Variants in PTPN3 observed in about 807,000 individuals in gnomAD.
PTPN3 encodes protein tyrosine phosphatase non-receptor type 3, also known as tyrosine-protein phosphatase non-receptor type 3.
PTPN3 carries 96 observed loss-of-function variants against 132.7 expected under a neutral mutation model. That is an observed-to-expected ratio of 0.72 (90% confidence interval 0.61 to 0.86). The LOEUF (loss-of-function observed/expected upper bound fraction) is 0.86, where lower values mean the gene tolerates loss of function less well. Among genes scored for constraint, PTPN3 ranks in the 40% least tolerant of loss-of-function variants. The probability of loss-of-function intolerance (pLI) is 0.00; values close to 1 mark genes in which losing one functional copy is unlikely to be tolerated. For missense variants in PTPN3, 1,125 were observed against 1,159.6 expected (o/e 0.97, Z 0.43); for synonymous variants, 398 against 429.0 (o/e 0.93, Z 0.89).
At chr9:109,477,059 A>C (rs552856912) in intron 1 of PTPN3, among the ~76,000 whole-genome samples, 51 of 152,296 alleles carry the variant, frequency 3.3e-4, no homozygotes, top group African/African-American at 1.2e-3. Context: ...TCACACAGGC[A>C]GACTTCAAAC....
chr9:109,496,590 G>A (rs55925230), intron 1 of PTPN3, among the ~76,000 whole-genome samples: 4,522 of 152,326 alleles, frequency 0.03, 100 homozygotes, highest in Middle Eastern at 0.048. Flanking sequence ...ACAGGTGAAT[G>A]TACTCTGTAA....
chr9:109,535,518 C>CT, the PTPN3 span, among the ~76,000 whole-genome samples: 2 of 147,366 alleles, frequency 1.4e-5, no homozygotes, highest in Non-Finnish European at 3.0e-5. Context: ...TTTTTTTTTT[C>CT]TTTTTTTGAG....
chr9:109,531,107 TG>T, the PTPN3 span, among the ~76,000 whole-genome samples: 1 of 152,226 alleles, frequency 6.6e-6, no homozygotes, highest in Non-Finnish European at 1.5e-5. Flanking sequence ...TTTTGTTGCC[TG>T]TGCCTTTTAT....
rs376791693 is a variant in PTPN3, at chr9:109,401,416, C to T, written c.1953+3032G>A. ...CCCAGGTGATCTCCATACAAGTGGTCGGAGGGTCACCCTCTGAGAAACACA... is the reference window on the plus strand; with the variant it reads ...CCCAGGTGATCTCCATACAAGTGGTTGGAGGGTCACCCTCTGAGAAACACA... On this transcript the variant is annotated intron_variant, in intron 19 of 25. Transcript: ENST00000374541. 8.5e-5 allele frequency among the ~76,000 whole-genome samples: 13 copies of T among 152,310 alleles called. No homozygotes were observed. In the South Asian group the frequency reaches 1.9e-3, roughly 22 times the overall value.
intron 19 of PTPN3, among the ~76,000 whole-genome samples, chr9:109,402,918 T>A (rs1200838034): frequency 6.6e-6 from 1 of 151,796 alleles, no homozygotes; most frequent in Admixed American, 6.6e-5. Context: ...AAAAGAATAA[T>A]AAAAAACAAA....
At chr9:109,398,315 C>G (rs1376186188) in intron 19 of PTPN3, among the ~76,000 whole-genome samples, 1 of 152,300 alleles carries the variant, frequency 6.6e-6, no homozygotes, top group East Asian at 1.9e-4. Flanking sequence ...TACAATTGCT[C>G]TCATTAATTT....
At chr9:109,408,400 A>G in intron 16 of PTPN3, 23 bp from the exon 17 acceptor site, 1 of 1,560,066 alleles carries the variant, frequency 6.4e-7, no homozygotes, top group Non-Finnish European at 8.7e-7. Flanking sequence ...TAAAATAAAA[A>G]CAAAACAAAG....
In PTPN3 at chr9:109,459,229, C is replaced by T. The variant is rs1191979027; in HGVS notation, c.139-1830G>A. Among the ~76,000 whole-genome samples the T allele has an allele frequency of 2.6e-5, 4 of 152,372 alleles. No homozygotes were observed. In the South Asian group the frequency reaches 6.2e-4, roughly 24 times the overall value. On this transcript the variant is annotated intron_variant, in intron 2 of 25. Coordinates refer to ENST00000374541, the MANE Select transcript of PTPN3 (RefSeq NM_002829.4). ...CCCTGCCCTCAAGAGGTCATCTTCACGGCACCAGGTCACCACCAGGGCTCG... is the reference window on the plus strand; with the variant it reads ...CCCTGCCCTCAAGAGGTCATCTTCATGGCACCAGGTCACCACCAGGGCTCG...
chr9:109,459,627 G>A (rs1040410108), intron 2 of PTPN3, among the ~76,000 whole-genome samples: 1 of 152,150 alleles, frequency 6.6e-6, no homozygotes, highest in Non-Finnish European at 1.5e-5. Context: ...TTAGCTCACT[G>A]TAACCTCAAA....
intron 16 of PTPN3, among the ~76,000 whole-genome samples, chr9:109,409,569 G>A (rs1275838724): frequency 6.6e-6 from 1 of 152,074 alleles, no homozygotes; most frequent in Non-Finnish European, 1.5e-5. Context: ...GTTCACGCCT[G>A]TAATCCCGGC....
At chr9:109,479,759 T>C (rs898334009) in intron 1 of PTPN3, among the ~76,000 whole-genome samples, 1 of 152,216 alleles carries the variant, frequency 6.6e-6, no homozygotes, top group Non-Finnish European at 1.5e-5. Flanking sequence ...TTTTGTACTT[T>C]TGGTAGACTG....
chr9:109,422,692 C>CAG, intron 13 of PTPN3, 26 bp downstream of exon 13: 2 of 1,441,864 alleles, frequency 1.4e-6, no homozygotes, highest in South Asian at 2.6e-5. Flanking sequence ...TTGGGTAGTA[C>CAG]AAAAAAAAAA....
rs150049600 is a variant in PTPN3, at chr9:109,426,819, C to G, written c.1001+131G>C. ...CCCCGGGAGACTTTTAGTTATGGTT[C>G]AGAGATCCAATGCCTGGAGCCCCTG... On this transcript the variant is annotated intron_variant, in intron 12 of 25. Coordinates refer to ENST00000374541, the MANE Select transcript of PTPN3 (RefSeq NM_002829.4). The G allele has an allele frequency of 1.1e-5, 11 of 1,008,034 alleles. No homozygotes were observed. In the African/African-American group the frequency reaches 1.3e-4, roughly 12 times the overall value. 62.4% of individuals were successfully genotyped at this position (1,008,034 alleles called of 1,614,324 possible).
intron 12 of PTPN3, among the ~76,000 whole-genome samples, chr9:109,423,748 T>C (rs762941849): frequency 3.9e-5 from 6 of 152,210 alleles, no homozygotes; most frequent in African/African-American, 7.2e-5. Context: ...TTTGAGAGAA[T>C]AGAGCATGAA....
chr9:109,517,868 C>T, the PTPN3 span, among the ~76,000 whole-genome samples: 23 of 152,266 alleles, frequency 1.5e-4, no homozygotes, highest in Non-Finnish European at 3.2e-4. Flanking sequence ...GAGACCCTAG[C>T]AGAAGCTGGG....
intron 19 of PTPN3, among the ~76,000 whole-genome samples, chr9:109,402,296 T>TA (rs1286075797): frequency 3.3e-5 from 5 of 151,968 alleles, no homozygotes; most frequent in Admixed American, 6.6e-5. Flanking sequence ...CTTTTTTTTT[T>TA]ATTTTTATTT....
chr9:109,397,174 G>C (rs1002509510), intron 19 of PTPN3, among the ~76,000 whole-genome samples: 1 of 152,196 alleles, frequency 6.6e-6, no homozygotes, highest in African/African-American at 2.4e-5. Flanking sequence ...ACCCAGAGTC[G>C]ACTCCAAGGA....
chr9:109,535,162 A>G, the PTPN3 span, among the ~76,000 whole-genome samples: 1 of 152,228 alleles, frequency 6.6e-6, no homozygotes, highest in South Asian at 2.1e-4. Context: ...TTCTCATCTC[A>G]GTTAATATTC....
At chr9:109,481,831 G>C (rs998326659) in intron 1 of PTPN3, among the ~76,000 whole-genome samples, 2 of 152,224 alleles carry the variant, frequency 1.3e-5, no homozygotes, top group Admixed American at 1.3e-4. Flanking sequence ...GCAGATGGGT[G>C]GGCACTGCCT....
Sources: allele counts gnomAD v4.1 joint callset (sites outside exome capture counted in the v4.1 genomes callset), GRCh38; gene constraint gnomAD v4.1.1; transcripts MANE v1.5; gene names NCBI Gene and HGNC (gene_info 2026-07-23, HGNC 2026-07-21).